The following ZNF257 variants were observed in gnomAD, a reference collection of about 807,000 sequenced individuals.
ZNF257 encodes the protein zinc finger protein 257, also known as bone marrow zinc finger 4.
ZNF257 carries 12 observed loss-of-function variants against 11.9 expected under a neutral mutation model. The ratio of observed to expected loss-of-function variants is 1.01; its 90% CI spans 0.65 to 1.63. The LOEUF (loss-of-function observed/expected upper bound fraction) is 1.63. Among genes scored for constraint, ZNF257 ranks in the 40% most tolerant of loss-of-function variants. The pLI is 0.00. For missense variants in ZNF257, 580 were observed against 665.5 expected (o/e 0.87, Z 1.41); for synonymous variants, 183 against 222.7 (o/e 0.82, Z 1.59).
intron 3 of ZNF257, among the ~76,000 whole-genome samples, chr19:22,077,968 G>A (rs989497174): frequency 2.0e-5 from 3 of 151,776 alleles, no homozygotes; most frequent in Admixed American, 6.6e-5. Context: ...GGCCAGGCAC[G>A]GTGGCTCATG....
Position 22,088,124 on chromosome 19 carries a change from T to A in ZNF257, c.374T>A (p.Val125Glu). 1 of 1,610,302 alleles carries A rather than the reference T, an allele frequency of 6.2e-7. No homozygotes were observed. The highest frequency in any genetic ancestry group is 8.5e-7 in the Non-Finnish European group (1 of 1,177,738). ...TGTAAAAGTGTGGATGAGTGTAAGG[T>A]GTGCAAAGGAGGTTATAATGGACTT... ...KGCKSVDECK[V>E]CKGGYNGLNQ... The change falls in exon 4 of 4, where the codon GTG becomes GAG. Residue 125 changes from valine (V) to glutamate (E), a missense_variant. Coordinates refer to ENST00000594947, the MANE Select transcript of ZNF257 (RefSeq NM_033468.4).
At chr19:22,065,309 C>T (rs1051677186) in intron 1 of ZNF257, among the ~76,000 whole-genome samples, 1 of 151,912 alleles carries the variant, frequency 6.6e-6, no homozygotes. Flanking sequence ...AAGCGATTCT[C>T]CTGCCTCAGC....
At chr19:22,056,067 A>AG (rs948192572) in intron 1 of ZNF257, among the ~76,000 whole-genome samples, 4 of 150,230 alleles carry the variant, frequency 2.7e-5, no homozygotes, top group South Asian at 4.2e-4. Context: ...AAAAAAAAAA[A>AG]AAAAGAAAAG....
At chr19:22,056,790 T>G (rs1439470443) in intron 1 of ZNF257, among the ~76,000 whole-genome samples, 4 of 152,086 alleles carry the variant, frequency 2.6e-5, no homozygotes. Flanking sequence ...ATTTAGAAAT[T>G]TTTTCAAGTG....
At chr19:22,060,438 G>A (rs2021764538) in intron 1 of ZNF257, 1 of 149,874 alleles carries the variant, frequency 6.7e-6, no homozygotes, top group Non-Finnish European at 1.5e-5. Flanking sequence ...TTAACCACAT[G>A]TATGTCTGTT....
At chr19:22,080,944 C>T (rs2022343581) in intron 3 of ZNF257, among the ~76,000 whole-genome samples, 1 of 150,232 alleles carries the variant, frequency 6.7e-6, no homozygotes, top group African/African-American at 2.4e-5. Flanking sequence ...GTGGCACGAT[C>T]TCAGCTCACT....
intron 1 of ZNF257, among the ~76,000 whole-genome samples, chr19:22,066,881 T>C (rs960479015): frequency 1.4e-5 from 2 of 139,504 alleles, no homozygotes; most frequent in Admixed American, 6.8e-5. Context: ...TTGACCATGA[T>C]GCACTTCACA....
chr19:22,080,704 CTATT>C (rs200550750), intron 3 of ZNF257, among the ~76,000 whole-genome samples: 5,024 of 151,658 alleles, frequency 0.033, 105 homozygotes, highest in Middle Eastern at 0.044. Context: ...TCTGAATTTT[CTATT>C]TATTATTGAA....
chr19:22,074,040 G>A (rs973140221), intron 3 of ZNF257, among the ~76,000 whole-genome samples: 4 of 151,718 alleles, frequency 2.6e-5, no homozygotes, highest in Non-Finnish European at 5.9e-5. Context: ...AAGATAGTTT[G>A]GAATTATAAA....
chr19:22,065,285 T>C (rs1028614793), intron 1 of ZNF257, among the ~76,000 whole-genome samples: 2 of 151,676 alleles, frequency 1.3e-5, no homozygotes, highest in African/African-American at 4.8e-5. Context: ...CCACAACCTC[T>C]GCTTCCCAGG....
At position 22,089,647 on chromosome 19, in the gene ZNF257, C is replaced by A; in HGVS notation, c.*205C>A. 5.9e-5 allele frequency: 78 copies of A among 1,332,684 alleles called. No homozygotes were observed. The highest frequency in any genetic ancestry group is 7.5e-5 in the Non-Finnish European group (76 of 1,009,482). 82.6% of individuals were successfully genotyped at this position (1,332,684 alleles called of 1,614,324 possible). A position where few individuals can be genotyped will look rare whatever the true frequency, so the allele number is the denominator to read the frequency against. ...TTGAAATGTGATGAATGTGGCATAG[C>A]CTCTTCCCAGTTCTCAACTCTTACT... On this transcript the variant is annotated 3_prime_UTR_variant, in exon 4 of 4. Transcript: ENST00000594947.
intron 1 of ZNF257, among the ~76,000 whole-genome samples, chr19:22,067,624 C>T (rs1247699423): frequency 1.3e-5 from 2 of 152,002 alleles, no homozygotes; most frequent in Non-Finnish European, 2.9e-5. Context: ...ATCACGAGGT[C>T]AGGAGTTCAA....
At chr19:22,053,659 C>G (rs1024949437) in intron 1 of ZNF257, among the ~76,000 whole-genome samples, 1 of 152,202 alleles carries the variant, frequency 6.6e-6, no homozygotes, top group Non-Finnish European at 1.5e-5. Flanking sequence ...GGCGCTGTGG[C>G]TCACGCTTGT....
intron 1 of ZNF257, among the ~76,000 whole-genome samples, chr19:22,056,829 C>T (rs1599658177): frequency 1.3e-5 from 2 of 151,956 alleles, no homozygotes; most frequent in South Asian, 4.1e-4. Context: ...TGGTTTCAAA[C>T]GCAATTCCAA....
chr19:22,071,959 C>T (rs1311756653), intron 1 of ZNF257, among the ~76,000 whole-genome samples: 1 of 152,100 alleles, frequency 6.6e-6, no homozygotes, highest in African/African-American at 2.4e-5. Flanking sequence ...GAAATACTTG[C>T]TCTCTAGGGT....
chr19:22,060,912 T>C (rs1032186459), intron 1 of ZNF257, among the ~76,000 whole-genome samples: 1 of 152,210 alleles, frequency 6.6e-6, no homozygotes, highest in African/African-American at 2.4e-5. Context: ...TCTTGTCAGT[T>C]TGTCAAAGAT....
chr19:22,073,275 A>G (rs62110985), intron 2 of ZNF257, among the ~76,000 whole-genome samples, 194 bp from the exon 3 acceptor site: 20,072 of 152,074 alleles, frequency 0.13, 1,504 homozygotes, highest in Middle Eastern at 0.2. Flanking sequence ...TTTTTTATTC[A>G]GTAGTACTGG....
In ZNF257 at chr19:22,088,479, C is replaced by A. The variant is rs763370244; in HGVS notation, c.729C>A (p.His243Gln). The change falls in exon 4 of 4, where the codon CAC becomes CAA. Residue 243 changes from histidine (H) to glutamine (Q), a missense_variant. His to Gln is a conservative substitution (Grantham distance 24, BLOSUM62 0). Transcript: ENST00000594947. ...ECGKAFNRSS[H>Q]LTQHKVIHTR... ...GAAAAGCTTTTAACCGGTCTTCACA[C>A]CTTACTCAACATAAGGTAATTCATA... 8 of 1,611,710 alleles carry A rather than the reference C, an allele frequency of 5.0e-6. No individual in the cohort carries two copies. The African/African-American group carries it at 5.4e-5, about 11-fold the overall frequency.
intron 1 of ZNF257, among the ~76,000 whole-genome samples, chr19:22,065,419 C>T (rs10415794): frequency 0.24 from 36,006 of 151,854 alleles, 5,788 homozygotes; most frequent in African/African-American, 0.46. Context: ...AGGCTGGTCT[C>T]GAACTCCCGA....
Sources: allele counts gnomAD v4.1 joint callset (sites outside exome capture counted in the v4.1 genomes callset), GRCh38; gene constraint gnomAD v4.1.1; transcripts MANE v1.5; gene names NCBI Gene and HGNC (gene_info 2026-07-23, HGNC 2026-07-21).